Variants in ASCC1 observed in about 807,000 individuals in gnomAD.
ASCC1 encodes activating signal cointegrator 1 complex subunit 1, also known as ASC-1 complex subunit P50.
ASCC1 carries 35 observed loss-of-function variants against 46.6 expected under a neutral mutation model. That is an observed-to-expected ratio of 0.75 (90% confidence interval 0.57 to 0.99). ASCC1 has a LOEUF of 0.99. ASCC1 is among the 50% of genes least tolerant of loss of function. The pLI, the probability that ASCC1 is intolerant of heterozygous loss-of-function variation, is 0.00. For missense variants in ASCC1, 376 were observed against 428.7 expected (o/e 0.88, Z 1.09); for synonymous variants, 143 against 146.6 (o/e 0.98, Z 0.18).
chr10:72,158,963 T>TTA (rs1309574561), intron 6 of ASCC1: 2 of 152,198 alleles, frequency 1.3e-5, no homozygotes, highest in Non-Finnish European at 2.9e-5. Context: ...TTAACAGAAG[T>TTA]ACCCTTTTTG....
At chr10:72,167,740 G>A (rs937164481) in intron 5 of ASCC1, among the ~76,000 whole-genome samples, 7 of 150,664 alleles carry the variant, frequency 4.6e-5, no homozygotes, top group African/African-American at 9.8e-5. Context: ...GGCCTCAAGC[G>A]ATCCTCTCTC....
chr10:72,212,859 ATAT>A (rs1239903568), intron 2 of ASCC1, among the ~76,000 whole-genome samples: 2 of 151,968 alleles, frequency 1.3e-5, no homozygotes, highest in Non-Finnish European at 2.9e-5. Flanking sequence ...AATAATAATA[ATAT>A]TATTAATAAT....
chr10:72,122,030 A>G (rs757589267), intron 9 of ASCC1, among the ~76,000 whole-genome samples: 1 of 152,242 alleles, frequency 6.6e-6, no homozygotes, highest in Non-Finnish European at 1.5e-5. Flanking sequence ...ATTTAAAAGA[A>G]TAGAATCATA....
intron 8 of ASCC1, among the ~76,000 whole-genome samples, chr10:72,129,696 C>T (rs1845332689): frequency 6.6e-6 from 1 of 152,046 alleles, no homozygotes; most frequent in Non-Finnish European, 1.5e-5. Flanking sequence ...ATCCCAGCTA[C>T]TCAGGAGGCT....
At chr10:72,126,229 C>A (rs2132208955) in intron 9 of ASCC1, among the ~76,000 whole-genome samples, 1 of 152,288 alleles carries the variant, frequency 6.6e-6, no homozygotes, top group African/African-American at 2.4e-5. Flanking sequence ...GTACCTCTGG[C>A]AAGTCACTTT....
Position 72,196,984 on chromosome 10 carries a change from T to C in ASCC1, c.316A>G (p.Thr106Ala). 6.2e-7 allele frequency: 1 copy of C among 1,613,436 alleles called. No homozygotes were observed. Among genetic ancestry groups the C allele is most frequent in the Non-Finnish European group, 8.5e-7 (1 of 1,179,964 alleles). Reference sequence around the variant, plus strand: ...ATTACACCATTTCGATGCTGGCCAGTGATTACTGTAAACAAAGAAGAAAGG... The same window carrying C: ...ATTACACCATTTCGATGCTGGCCAGCGATTACTGTAAACAAAGAAGAAAGG... ...KPGQDGEIVI[T>A]GQHRNGVISA... is the part of the protein sequence containing the mutation. Residue 106 changes from threonine (T) to alanine (A), a missense_variant, in exon 5 of 10, where the codon ACT (threonine) becomes GCT (alanine). Thr to Ala is a moderately conservative substitution (Grantham distance 58). Coordinates refer to ENST00000672957, the MANE Select transcript of ASCC1 (RefSeq NM_001198800.3).
At chr10:72,099,920 A>C (rs549849760) in intron 9 of ASCC1, among the ~76,000 whole-genome samples, 1 of 152,316 alleles carries the variant, frequency 6.6e-6, no homozygotes, top group Non-Finnish European at 1.5e-5. Flanking sequence ...TGTAAACTGT[A>C]AAGTGCTATG....
chr10:72,210,775 G>C lies in ASCC1; in HGVS notation c.169C>G (p.Gln57Glu). The C allele has an allele frequency of 6.2e-7, 1 of 1,614,094 alleles. No individual in the cohort carries two copies. Among genetic ancestry groups the C allele is most frequent in the Admixed American group, 1.7e-5 (1 of 59,994 alleles). The change falls in exon 3 of 10, where the codon CAA becomes GAA. Residue 57 changes from glutamine (Q) to glutamate (E), a missense_variant. Gln to Glu is a conservative substitution (Grantham distance 29). Coordinates refer to ENST00000672957, the MANE Select transcript of ASCC1 (RefSeq NM_001198800.3). Reference sequence around the variant, plus strand: ...GCCCTCAAAGTAGACCGGAATCCTTGTGGGGTCTGCTCCACCTCGTAGGCA... The same window carrying C: ...GCCCTCAAAGTAGACCGGAATCCTTCTGGGGTCTGCTCCACCTCGTAGGCA... ...CDAYEVEQTP[Q>E]GFRSTLRAPS...
chr10:72,185,204 G>A (rs897724380), intron 5 of ASCC1, among the ~76,000 whole-genome samples: 3 of 152,214 alleles, frequency 2.0e-5, no homozygotes, highest in Non-Finnish European at 4.4e-5. Context: ...AACCACCTTG[G>A]GAAAAGATCT....
intron 9 of ASCC1, among the ~76,000 whole-genome samples, chr10:72,109,037 G>A (rs1267135277): frequency 6.6e-6 from 1 of 152,182 alleles, no homozygotes; most frequent in South Asian, 2.1e-4. Context: ...CTCTGCCCAA[G>A]ATGCCACTTT....
chr10:72,162,456 C>A (rs1051413830), intron 5 of ASCC1, among the ~76,000 whole-genome samples: 2 of 151,866 alleles, frequency 1.3e-5, no homozygotes, highest in African/African-American at 4.8e-5. Context: ...CAAGAGTGAG[C>A]CACCGCGCCT....
At chr10:72,210,146 G>A (rs1857842276) in intron 3 of ASCC1, among the ~76,000 whole-genome samples, 1 of 149,270 alleles carries the variant, frequency 6.7e-6, no homozygotes, top group East Asian at 2.0e-4. Context: ...ATGAGCCAAT[G>A]AAACCTCTTT....
chr10:72,168,517 A>T (rs1313676192), intron 5 of ASCC1, among the ~76,000 whole-genome samples: 1 of 152,212 alleles, frequency 6.6e-6, no homozygotes, highest in African/African-American at 2.4e-5. Context: ...AAATTTGGCA[A>T]TATCTAACAA....
At chr10:72,197,779 G>A (rs1204324670) in intron 4 of ASCC1, among the ~76,000 whole-genome samples, 1 of 151,042 alleles carries the variant, frequency 6.6e-6, no homozygotes, top group East Asian at 2.0e-4. Flanking sequence ...GGTGTCACAT[G>A]TCTGTAATCC....
At chr10:72,161,881 T>C (rs1849738293) in intron 5 of ASCC1, among the ~76,000 whole-genome samples, 1 of 152,170 alleles carries the variant, frequency 6.6e-6, no homozygotes, top group Admixed American at 6.5e-5. Flanking sequence ...GATAGACTAC[T>C]ACCTCCTACC....
At chr10:72,212,549 A>G (rs771984185) in intron 2 of ASCC1, among the ~76,000 whole-genome samples, 5 of 152,160 alleles carry the variant, frequency 3.3e-5, no homozygotes, top group Admixed American at 1.3e-4. Flanking sequence ...TCAAAAATTT[A>G]TACATAATTA....
intron 5 of ASCC1, among the ~76,000 whole-genome samples, chr10:72,170,352 T>C (rs887109338): frequency 6.6e-6 from 1 of 152,064 alleles, no homozygotes; most frequent in Admixed American, 6.6e-5. Flanking sequence ...GGACACATTA[T>C]CACCTATGCA....
chr10:72,179,946 A>G (rs964270465), intron 5 of ASCC1, among the ~76,000 whole-genome samples: 1 of 152,184 alleles, frequency 6.6e-6, no homozygotes, highest in Non-Finnish European at 1.5e-5. Context: ...TATTTTTAAA[A>G]AAACATAAAA....
At chr10:72,122,886 C>T (rs1353695077) in intron 9 of ASCC1, among the ~76,000 whole-genome samples, 1 of 152,004 alleles carries the variant, frequency 6.6e-6, no homozygotes, top group East Asian at 1.9e-4. Context: ...TTGTAGGATA[C>T]ATCAAAAGCA....
Sources: gnomAD v4.1 joint callset for allele counts (sites outside exome capture counted in the v4.1 genomes callset) on GRCh38, gnomAD v4.1.1 for gene constraint, MANE v1.5 for transcripts, NCBI Gene and HGNC (gene_info 2026-07-23, HGNC 2026-07-21) for gene names.